Variants in DGAT2L6 observed in about 807,000 individuals in gnomAD.
The protein encoded by DGAT2L6 is diacylglycerol O-acyltransferase 2 like 6, also known as diacylglycerol O-acyltransferase 2-like protein 6.
Under a neutral mutation model 25.5 loss-of-function variants are expected in DGAT2L6, and 22 were observed. That is an observed-to-expected ratio of 0.86 (90% CI 0.62 to 1.23). The LOEUF (loss-of-function observed/expected upper bound fraction) is 1.23, where lower values mean the gene tolerates loss of function less well. Ranked by LOEUF, DGAT2L6 falls within the 50% of genes most tolerant of loss-of-function variation. The pLI is 0.00. For missense variants in DGAT2L6, 287 were observed against 253.2 expected (o/e 1.13, Z -0.91); for synonymous variants, 100 against 94.7 (o/e 1.06, Z -0.32).
rs370099523 is a variant in DGAT2L6, at chrX:70,180,221, C to T, written c.85+2554C>T. On this transcript the variant is annotated intron_variant, in intron 1 of 6. Coordinates refer to ENST00000333026, the MANE Select transcript of DGAT2L6 (RefSeq NM_198512.3). ...ATCCCAGCACTTTGGGAGGCCGAGGCGGGTGGATCACAAGATCAAGAGATC... is the reference window on the plus strand; with the variant it reads ...ATCCCAGCACTTTGGGAGGCCGAGGTGGGTGGATCACAAGATCAAGAGATC... 4.0e-4 allele frequency among the ~76,000 whole-genome samples: 44 copies of T among 111,031 alleles called. No homozygotes were observed. In the East Asian group the frequency reaches 0.01, roughly 26 times the overall value.
intron 1 of DGAT2L6, among the ~76,000 whole-genome samples, chrX:70,188,565 G>T (rs1244048814): frequency 9.0e-6 from 1 of 110,780 alleles, no homozygotes; most frequent in Non-Finnish European, 1.9e-5. Context: ...AAAATATCAC[G>T]AATTCTATGC....
chrX:70,182,838 A>G (rs1021193073), intron 1 of DGAT2L6, among the ~76,000 whole-genome samples: 6 of 111,470 alleles, frequency 5.4e-5, no homozygotes, highest in African/African-American at 2.0e-4. Flanking sequence ...GTATTTTTTT[A>G]GTACAGATGG....
chrX:70,199,409 C>T (rs1342863782), intron 2 of DGAT2L6, 28 bp downstream of exon 2: 1 of 1,030,147 alleles, frequency 9.7e-7, no homozygotes, highest in Non-Finnish European at 1.3e-6. Context: ...AATGGTGGTC[C>T]TGTTTGGGCC....
At chrX:70,196,486 C>CAAAAAAAAAAAAAAAAAAAAAAAAA (rs751597708) in intron 1 of DGAT2L6, among the ~76,000 whole-genome samples, 2 of 26,083 alleles carry the variant, frequency 7.7e-5, no homozygotes, top group Non-Finnish European at 1.4e-4. Flanking sequence ...GATCCTGTCT[C>CAAAAAAAAAAAAAAAAAAAAAAAAA]AAAAAAAAAA....
At chrX:70,191,166 G>T (rs2085374506) in intron 1 of DGAT2L6, among the ~76,000 whole-genome samples, 1 of 112,375 alleles carries the variant, frequency 8.9e-6, no homozygotes, top group African/African-American at 3.2e-5. Context: ...TCCAGTAACA[G>T]CCCAAATAAA....
intron 5 of DGAT2L6, 132 bp downstream of exon 5, chrX:70,202,196 CT>C (rs773690172): frequency 1.8e-6 from 1 of 571,068 alleles, no homozygotes; most frequent in Non-Finnish European, 2.5e-6. Flanking sequence ...TGTCTACCCC[CT>C]CACATTGTGC....
chrX:70,204,112 G>A (rs1234069761), intron 5 of DGAT2L6, among the ~76,000 whole-genome samples, 193 bp from the exon 6 acceptor site: 1 of 111,684 alleles, frequency 9.0e-6, no homozygotes, highest in Non-Finnish European at 1.9e-5. Context: ...AACAGGACAA[G>A]GCAGAGCAGC....
intron 1 of DGAT2L6, among the ~76,000 whole-genome samples, chrX:70,193,887 G>A (rs2085383043): frequency 8.9e-6 from 1 of 111,743 alleles, no homozygotes. Context: ...AGTACTGGAT[G>A]TCCTACCAAG....
chrX:70,193,242 AG>A (rs1381884239), intron 1 of DGAT2L6, among the ~76,000 whole-genome samples: 1 of 108,718 alleles, frequency 9.2e-6, no homozygotes, highest in Non-Finnish European at 1.9e-5. Flanking sequence ...TGCTTGAACC[AG>A]GGAGCAGTGA....
At chrX:70,202,509 C>T (rs2085414364) in intron 5 of DGAT2L6, among the ~76,000 whole-genome samples, 1 of 112,014 alleles carries the variant, frequency 8.9e-6, no homozygotes, top group South Asian at 3.7e-4. Context: ...ACGGAACACC[C>T]ACTGTATATC....
chrX:70,192,865 C>T (rs1445255168), intron 1 of DGAT2L6, among the ~76,000 whole-genome samples: 2 of 111,553 alleles, frequency 1.8e-5, no homozygotes, highest in African/African-American at 6.5e-5. Context: ...GAAGACATTA[C>T]ACCTGATGAC....
intron 1 of DGAT2L6, among the ~76,000 whole-genome samples, chrX:70,184,363 A>G (rs779041284): frequency 2.7e-5 from 3 of 110,128 alleles, no homozygotes; most frequent in African/African-American, 9.9e-5. Context: ...AGTGACAACC[A>G]CTCCTCTGAG....
intron 1 of DGAT2L6, among the ~76,000 whole-genome samples, chrX:70,193,079 C>G (rs755647658): frequency 1.9e-4 from 21 of 111,044 alleles, no homozygotes; most frequent in African/African-American, 6.5e-4. Flanking sequence ...CAGGACCAGA[C>G]AGCTTCCTAG....
At chrX:70,188,125 G>C (rs1369777845) in intron 1 of DGAT2L6, among the ~76,000 whole-genome samples, 1 of 112,107 alleles carries the variant, frequency 8.9e-6, no homozygotes, top group Non-Finnish European at 1.9e-5. Context: ...AGAGGAATCA[G>C]AGATGATTTG....
chrX:70,195,514 A>C (rs1281035926), intron 1 of DGAT2L6, among the ~76,000 whole-genome samples: 2 of 111,312 alleles, frequency 1.8e-5, no homozygotes, highest in Non-Finnish European at 3.8e-5. Flanking sequence ...TAAAAAGGAG[A>C]TCCTGCCATT....
At chrX:70,194,664 T>C (rs182343705) in intron 1 of DGAT2L6, among the ~76,000 whole-genome samples, 12 of 111,919 alleles carry the variant, frequency 1.1e-4, no homozygotes, top group African/African-American at 3.9e-4. Flanking sequence ...CTTCAATAAA[T>C]GGTGTTGAAC....
chrX:70,200,110 G>C lies in DGAT2L6; in HGVS notation c.268-145G>C, dbSNP rs1316284695. 14 of 657,858 alleles carry C rather than the reference G, an allele frequency of 2.1e-5. No homozygotes were observed. The East Asian group carries it at 4.9e-4, about 23-fold the overall frequency. The allele number at this position is 657,858 out of a possible 1,213,427, so 54.2% of individuals were successfully genotyped here. Reference sequence around the variant, plus strand: ...GCCTCTCTGACCATCGTGAGCCCTGGCAATCCTATGACAATGATGACAACC... The same window carrying C: ...GCCTCTCTGACCATCGTGAGCCCTGCCAATCCTATGACAATGATGACAACC... On this transcript the variant is annotated intron_variant, in intron 3 of 6. Coordinates refer to ENST00000333026, the MANE Select transcript of DGAT2L6 (RefSeq NM_198512.3).
chrX:70,187,573 G>A (rs1472361498), intron 1 of DGAT2L6, among the ~76,000 whole-genome samples: 1 of 111,932 alleles, frequency 8.9e-6, no homozygotes, highest in Non-Finnish European at 1.9e-5. Flanking sequence ...CTTAGATACA[G>A]TAAGTAATCA....
intron 1 of DGAT2L6, among the ~76,000 whole-genome samples, chrX:70,197,859 G>A (rs932404265): frequency 8.9e-6 from 1 of 111,838 alleles, no homozygotes; most frequent in Non-Finnish European, 1.9e-5. Context: ...TCCATGGCAG[G>A]CTTCCCATAA....
Sources: gnomAD v4.1 joint callset for allele counts (sites outside exome capture counted in the v4.1 genomes callset) on GRCh38, gnomAD v4.1.1 for gene constraint, MANE v1.5 for transcripts, NCBI Gene and HGNC (gene_info 2026-07-23, HGNC 2026-07-21) for gene names.